The following LPP variants were observed in gnomAD, a reference collection of about 807,000 sequenced individuals.
LPP encodes the protein lipoma-preferred partner.
LPP carries 38 observed loss-of-function variants against 60.4 expected under a neutral mutation model. That is an observed-to-expected ratio of 0.63 (90% CI 0.49 to 0.83). The LOEUF (loss-of-function observed/expected upper bound fraction) is 0.83, where lower values mean the gene tolerates loss of function less well. Ranked by LOEUF, LPP falls within the 40% of genes least tolerant of loss-of-function variation. LPP has a pLI of 0.00. For missense variants in LPP, 902 were observed against 783.6 expected (o/e 1.15, Z -1.80); for synonymous variants, 328 against 290.8 (o/e 1.13, Z -1.30).
At position 188,595,080 on chromosome 3, in the gene LPP, G is replaced by C. The variant is rs116780246; in HGVS notation, c.430-14081G>C. On this transcript the variant is annotated intron_variant, in intron 6 of 11. Coordinates refer to ENST00000617246, the MANE Select transcript of LPP (RefSeq NM_001375462.1). ...TTATATGCTGTTCCAAAGAACCTTA[G>C]GTATCAGAATTTATCTGAGCCCAAA... Among the ~76,000 whole-genome samples the C allele has an allele frequency of 3.2e-3, 491 of 152,148 alleles. 1 individual carries two copies. Among genetic ancestry groups the C allele is most frequent in the African/African-American group, 0.011 (441 of 41,516 alleles).
intron 8 of LPP, among the ~76,000 whole-genome samples, chr3:188,746,042 T>C (rs1399021891): frequency 6.6e-6 from 1 of 152,174 alleles, no homozygotes; most frequent in Non-Finnish European, 1.5e-5. Context: ...CGCATCTAAG[T>C]TTTTTTCTTT....
chr3:188,381,843 T>G, intron 3 of LPP, among the ~76,000 whole-genome samples: 1 of 152,134 alleles, frequency 6.6e-6, no homozygotes, highest in East Asian at 1.9e-4. Flanking sequence ...TATATATATA[T>G]GTATAGAGTC....
intron 4 of LPP, among the ~76,000 whole-genome samples, chr3:188,422,913 T>TTGTGTGTG (rs10689970): frequency 0.016 from 2,084 of 133,830 alleles, 20 homozygotes; most frequent in Non-Finnish European, 0.019. Flanking sequence ...GGTGTCTTCT[T>TTGTGTGTG]TGTGTGTGTG....
chr3:188,185,506 A>G (rs1251847430), intron 1 of LPP, among the ~76,000 whole-genome samples: 1 of 151,254 alleles, frequency 6.6e-6, no homozygotes, highest in Non-Finnish European at 1.5e-5. Flanking sequence ...TTTTCCCCCT[A>G]TATACCCCAC....
chr3:188,620,983 A>G (rs2151552675), intron 7 of LPP, among the ~76,000 whole-genome samples: 1 of 152,312 alleles, frequency 6.6e-6, no homozygotes, highest in South Asian at 2.1e-4. Context: ...CACCTACTGA[A>G]TTGACATGGA....
intron 6 of LPP, among the ~76,000 whole-genome samples, chr3:188,556,618 AT>A (rs556240321): frequency 7.3e-5 from 11 of 150,648 alleles, no homozygotes; most frequent in Non-Finnish European, 1.5e-4. Context: ...TTTTGGTTTG[AT>A]TTTTTTTCAG....
At chr3:188,298,479 A>C (rs908325525) in intron 2 of LPP, among the ~76,000 whole-genome samples, 2 of 152,166 alleles carry the variant, frequency 1.3e-5, no homozygotes. Context: ...TCTGTGGATA[A>C]GACTCACTTA....
chr3:188,602,153 A>AATATATATATT (rs1841373161), intron 6 of LPP, among the ~76,000 whole-genome samples: 3 of 126,352 alleles, frequency 2.4e-5, no homozygotes, highest in African/African-American at 8.4e-5. Context: ...ATATATATAT[A>AATATATATATT]ATATATATAT....
intron 6 of LPP, among the ~76,000 whole-genome samples, chr3:188,528,600 G>A (rs941976196): frequency 2.6e-5 from 4 of 152,126 alleles, no homozygotes; most frequent in African/African-American, 9.7e-5. Context: ...TGATTGTGAA[G>A]CACTTTCACA....
chr3:188,855,046 T>A (rs917165505), intron 9 of LPP, among the ~76,000 whole-genome samples: 7 of 152,184 alleles, frequency 4.6e-5, no homozygotes, highest in Non-Finnish European at 8.8e-5. Context: ...TAAGCATGGG[T>A]TTTAGACATT....
At chr3:188,368,676 ACACTCT>A (rs1321224358) in intron 3 of LPP, among the ~76,000 whole-genome samples, 1 of 43,230 alleles carries the variant, frequency 2.3e-5, no homozygotes, top group African/African-American at 5.7e-5. Flanking sequence ...AAACACACAC[ACACTCT>A]CACACACACA....
chr3:188,579,408 A>G (rs182811836), intron 6 of LPP, among the ~76,000 whole-genome samples: 37 of 152,358 alleles, frequency 2.4e-4, no homozygotes, highest in African/African-American at 8.4e-4. Context: ...AACTTCAGGT[A>G]TCATGTGAAC....
chr3:188,790,695 A>G (rs894856749), intron 9 of LPP, among the ~76,000 whole-genome samples: 1 of 151,720 alleles, frequency 6.6e-6, no homozygotes, highest in African/African-American at 2.4e-5. Context: ...GGTGGCGGGC[A>G]CCTGTAATCC....
chr3:188,872,368 A>G (rs1768330291), intron 10 of LPP, among the ~76,000 whole-genome samples: 2 of 152,194 alleles, frequency 1.3e-5, no homozygotes, highest in Non-Finnish European at 2.9e-5. Flanking sequence ...ATCTATCTAA[A>G]GATGAATTTC....
intron 6 of LPP, among the ~76,000 whole-genome samples, chr3:188,604,339 A>G (rs535170405): frequency 6.6e-6 from 1 of 152,254 alleles, no homozygotes; most frequent in Admixed American, 6.6e-5. Flanking sequence ...GTTAAATACT[A>G]TTTTTAAATG....
intron 9 of LPP, among the ~76,000 whole-genome samples, chr3:188,834,317 T>C (rs1417553126): frequency 6.8e-6 from 1 of 146,702 alleles, no homozygotes; most frequent in Non-Finnish European, 1.5e-5. Context: ...TTTGTTTCTT[T>C]TTGGGTGTTT....
At chr3:188,394,551 AGTGTGTGTGTGTGT>A (rs1209092729) in intron 3 of LPP, among the ~76,000 whole-genome samples, 4 of 146,884 alleles carry the variant, frequency 2.7e-5, no homozygotes, top group Admixed American at 6.8e-5. Context: ...AAATATCTAA[AGTGTGTGTGTGTGT>A]GTGTGTGTGT....
At chr3:188,547,033 T>C (rs1826829477) in intron 6 of LPP, among the ~76,000 whole-genome samples, 1 of 152,180 alleles carries the variant, frequency 6.6e-6, no homozygotes, top group Non-Finnish European at 1.5e-5. Flanking sequence ...ATAATGAATC[T>C]ATGAACAAGG....
chr3:188,680,031 G>A (rs1010124046), intron 7 of LPP, among the ~76,000 whole-genome samples: 1 of 152,130 alleles, frequency 6.6e-6, no homozygotes, highest in African/African-American at 2.4e-5. Context: ...TGGTGAATAG[G>A]AGTCAACAAA....
Sources: allele counts gnomAD v4.1 joint callset (sites outside exome capture counted in the v4.1 genomes callset), GRCh38; gene constraint gnomAD v4.1.1; transcripts MANE v1.5; gene names NCBI Gene and HGNC (gene_info 2026-07-23, HGNC 2026-07-21).